INTS6: variants seen among roughly 807,000 people sequenced by gnomAD.
The protein encoded by INTS6 is integrator complex subunit 6, also known as DEAD box protein.
Under a neutral mutation model 104.9 loss-of-function variants are expected in INTS6, and 16 were observed. The ratio of observed to expected loss-of-function variants is 0.15; its 90% CI spans 0.10 to 0.23. The LOEUF is 0.23. INTS6 is among the 10% of genes least tolerant of loss of function. The pLI is 1.00. For synonymous variants in INTS6, 324 were observed against 358.7 expected, an observed-to-expected ratio of 0.90 and a Z score of 1.09; for missense variants, 584 against 1,062.8, an observed-to-expected ratio of 0.55 and a Z score of 6.26.
Position 51,389,458 on chromosome 13 carries a change from A to AAAGAAG in INTS6, c.614-20_614-15dup, listed in dbSNP as rs368336972. Reference sequence around the variant, plus strand: ...AATATGAACGGCCTGAGATTAAAAAAAAGAAGAAGAAGAAGAAGAAGAATA... The same window carrying AAAGAAG: ...AATATGAACGGCCTGAGATTAAAAAAAAGAAGAAGAAGAAGAAGAAGAAGAAGAATA... On this transcript the variant is annotated splice_polypyrimidine_tract_variant and intron_variant, in intron 5 of 17. Coordinates refer to ENST00000311234, the MANE Select transcript of INTS6 (RefSeq NM_012141.3). 28 of 1,576,950 alleles carry AAAGAAG rather than the reference A, an allele frequency of 1.8e-5. No homozygotes were observed. The highest frequency in any genetic ancestry group is 3.6e-5 in the South Asian group (3 of 83,982).
intron 3 of INTS6, chr13:51,445,759 G>C (rs933519289): frequency 6.6e-6 from 1 of 152,188 alleles, no homozygotes; most frequent in Non-Finnish European, 1.5e-5. Flanking sequence ...TTTGACAGGA[G>C]AGTGCCCTCT....
At chr13:51,386,290 T>G (rs532853957) in intron 7 of INTS6, among the ~76,000 whole-genome samples, 1 of 152,278 alleles carries the variant, frequency 6.6e-6, no homozygotes, top group Admixed American at 6.5e-5. Flanking sequence ...TATGTTCTCC[T>G]GTACATGTTA....
At chr13:51,348,141 C>T in the INTS6 span, 1 of 1,207,536 alleles carries the variant, frequency 8.3e-7, no homozygotes, top group Non-Finnish European at 1.2e-6. Context: ...GCCAGCCTCT[C>T]TCAGGGTCCG....
intron 4 of INTS6, among the ~76,000 whole-genome samples, chr13:51,419,520 C>A (rs1956857500): frequency 6.6e-6 from 1 of 152,218 alleles, no homozygotes; most frequent in Non-Finnish European, 1.5e-5. Context: ...ATCTACTTCA[C>A]AAACTTGAAT....
intron 4 of INTS6, among the ~76,000 whole-genome samples, chr13:51,428,014 T>C (rs1957014482): frequency 6.6e-6 from 1 of 151,840 alleles, no homozygotes; most frequent in Non-Finnish European, 1.5e-5. Context: ...CTAGAAGAGG[T>C]CTCCACAAAA....
At chr13:51,388,573 A>G (rs2137941479) in intron 6 of INTS6, among the ~76,000 whole-genome samples, 1 of 151,986 alleles carries the variant, frequency 6.6e-6, no homozygotes, top group Non-Finnish European at 1.5e-5. Flanking sequence ...TTGTATTTTT[A>G]GTAGACACGG....
chr13:51,440,578 T>C (rs1008360092), intron 3 of INTS6: 17 of 152,272 alleles, frequency 1.1e-4, no homozygotes, highest in African/African-American at 4.1e-4. Flanking sequence ...ACATTCATGG[T>C]AAGTGCCCTA....
At chr13:51,425,730 C>T (rs145541526) in intron 4 of INTS6, among the ~76,000 whole-genome samples, 1 of 151,988 alleles carries the variant, frequency 6.6e-6, no homozygotes, top group Non-Finnish European at 1.5e-5. Context: ...CTGCAGATAT[C>T]AGAAGAAAAT....
At chr13:51,434,019 G>C (rs1425403690) in intron 3 of INTS6, among the ~76,000 whole-genome samples, 1 of 152,130 alleles carries the variant, frequency 6.6e-6, no homozygotes, top group Non-Finnish European at 1.5e-5. Flanking sequence ...AAATCCACAT[G>C]GTCTTTCTGT....
intron 3 of INTS6, among the ~76,000 whole-genome samples, chr13:51,432,509 C>A (rs7327381): frequency 6.6e-6 from 1 of 151,258 alleles, no homozygotes; most frequent in Non-Finnish European, 1.5e-5. Flanking sequence ...TGTGTTTGAA[C>A]ATGTTGAAGG....
intron 10 of INTS6, among the ~76,000 whole-genome samples, chr13:51,381,077 T>C (rs756238907): frequency 3.0e-4 from 45 of 152,344 alleles, no homozygotes; most frequent in Admixed American, 5.2e-4. Flanking sequence ...ACATTATTCC[T>C]TAAACAATAC....
chr13:51,438,650 T>C (rs1024399324), intron 3 of INTS6: 1 of 152,238 alleles, frequency 6.6e-6, no homozygotes, highest in Non-Finnish European at 1.5e-5. Flanking sequence ...ACTACCTATT[T>C]AGGCCTGATC....
chr13:51,429,323 A>G (rs1469915277), intron 4 of INTS6, among the ~76,000 whole-genome samples: 1 of 152,078 alleles, frequency 6.6e-6, no homozygotes, highest in African/African-American at 2.4e-5. Flanking sequence ...CAAAACAATC[A>G]CCTTTCTATA....
At chr13:51,345,659 CAGTA>C in the INTS6 span, among the ~76,000 whole-genome samples, 4 of 137,646 alleles carry the variant, frequency 2.9e-5, no homozygotes, top group African/African-American at 8.1e-5. Flanking sequence ...GAATGGAAAA[CAGTA>C]AGTGTGTGGA....
chr13:51,426,152 T>C (rs768938875), intron 4 of INTS6, among the ~76,000 whole-genome samples: 4 of 152,104 alleles, frequency 2.6e-5, no homozygotes, highest in Admixed American at 2.6e-4. Flanking sequence ...AATGATCATA[T>C]ACAGCTCAAG....
intron 5 of INTS6, among the ~76,000 whole-genome samples, chr13:51,389,995 T>C (rs1446936487): frequency 6.6e-6 from 1 of 152,150 alleles, no homozygotes; most frequent in Non-Finnish European, 1.5e-5. Context: ...CGTGTGCTTT[T>C]CTGAATTTCA....
chr13:51,343,379 A>T, the INTS6 span, among the ~76,000 whole-genome samples: 1 of 152,246 alleles, frequency 6.6e-6, no homozygotes, highest in African/African-American at 2.4e-5. Flanking sequence ...TGGACTCACC[A>T]GTGGGCAAGA....
intron 4 of INTS6, among the ~76,000 whole-genome samples, chr13:51,399,868 T>G (rs1031380556): frequency 6.6e-6 from 1 of 152,196 alleles, no homozygotes; most frequent in East Asian, 1.9e-4. Flanking sequence ...TATTTTTAAT[T>G]GGGTTGTCTA....
the INTS6 span, among the ~76,000 whole-genome samples, chr13:51,343,714 G>A: frequency 6.6e-6 from 1 of 152,186 alleles, no homozygotes. Flanking sequence ...TCTACACAAG[G>A]CTGAATCCAA....
Sources: gnomAD v4.1 joint callset for allele counts (sites outside exome capture counted in the v4.1 genomes callset) on GRCh38, gnomAD v4.1.1 for gene constraint, MANE v1.5 for transcripts, NCBI Gene and HGNC (gene_info 2026-07-23, HGNC 2026-07-21) for gene names.